Variants in STXBP6 observed in about 807,000 individuals in gnomAD.
The protein encoded by STXBP6 is syntaxin-binding protein 6.
In STXBP6, 21 loss-of-function variants were observed where a neutral mutation model predicts 26.9. The observed-to-expected ratio is 0.78, with a 90% CI of 0.55 to 1.12. The LOEUF (loss-of-function observed/expected upper bound fraction) is 1.12. STXBP6 is among the 50% of genes most tolerant of loss of function. The pLI, the probability that STXBP6 is intolerant of heterozygous loss-of-function variation, is 0.00. For missense variants in STXBP6, 232 were observed against 257.9 expected, an observed-to-expected ratio of 0.90 and a Z score of 0.69; for synonymous variants, 97 against 92.6, an observed-to-expected ratio of 1.05 and a Z score of -0.27.
At chr14:24,932,179 C>T (rs55774462) in intron 2 of STXBP6, among the ~76,000 whole-genome samples, 32,817 of 152,082 alleles carry the variant, frequency 0.22, 4,604 homozygotes, top group Admixed American at 0.39. Context: ...GAGGCCAAGG[C>T]GGGCAGATCA....
At chr14:24,923,756 C>T (rs2072066367) in intron 2 of STXBP6, among the ~76,000 whole-genome samples, 1 of 152,104 alleles carries the variant, frequency 6.6e-6, no homozygotes, top group Non-Finnish European at 1.5e-5. Flanking sequence ...CTGCCCCTAG[C>T]TTTTGCCTAT....
rs150043323 is a variant in STXBP6 at position 24,961,665 on chromosome 14, T to C, written c.154+13000A>G. On this transcript the variant is annotated intron_variant, in intron 2 of 5. Transcript: ENST00000323944. ...TAAAAGGCAGCAGGGTGGAAAGGAA[T>C]GAGGATTTAAAAATTACCTATCCAA... Among the ~76,000 whole-genome samples, 717 of 152,110 alleles carry C rather than the reference T, an allele frequency of 4.7e-3. 5 individuals are homozygous for C. Among genetic ancestry groups the C allele is most frequent in the African/African-American group, 0.016 (681 of 41,494 alleles).
intron 1 of STXBP6, among the ~76,000 whole-genome samples, chr14:24,990,728 T>G: frequency 6.8e-6 from 1 of 146,642 alleles, no homozygotes; most frequent in Admixed American, 6.8e-5. Context: ...CAATTAGTAG[T>G]GGGAGCTGAA....
chr14:24,890,039 G>A (rs1241631), intron 2 of STXBP6, among the ~76,000 whole-genome samples: 55,594 of 152,080 alleles, frequency 0.37, 10,381 homozygotes, highest in East Asian at 0.43. Context: ...ATTACTGCCA[G>A]GATCAGGGAG....
At chr14:24,922,732 T>C (rs1317049331) in intron 2 of STXBP6, among the ~76,000 whole-genome samples, 3 of 152,064 alleles carry the variant, frequency 2.0e-5, no homozygotes, top group Admixed American at 1.3e-4. Context: ...TATGCAGACA[T>C]AGATGAGGGA....
chr14:24,968,604 A>T (rs2073808684), intron 2 of STXBP6, among the ~76,000 whole-genome samples: 1 of 152,114 alleles, frequency 6.6e-6, no homozygotes, highest in South Asian at 2.1e-4. Flanking sequence ...AACTACCTGG[A>T]TTCTTCTCTA....
intron 1 of STXBP6, among the ~76,000 whole-genome samples, chr14:25,024,396 T>A (rs1231013259): frequency 1.3e-5 from 2 of 152,134 alleles, no homozygotes; most frequent in African/African-American, 4.8e-5. Flanking sequence ...ATCAGAAGCC[T>A]CACTTCACAG....
chr14:24,866,322 A>C (rs947384676), intron 2 of STXBP6, among the ~76,000 whole-genome samples: 1 of 152,124 alleles, frequency 6.6e-6, no homozygotes. Flanking sequence ...CATGTGAGCC[A>C]ATTCCTTAAA....
chr14:24,812,766 T>C (rs895964627), intron 5 of STXBP6, 34 bp from the exon 6 acceptor site: 30 of 1,611,306 alleles, frequency 1.9e-5, no homozygotes, highest in Non-Finnish European at 2.1e-5. Context: ...AAGTAAGACT[T>C]TATTAGCAGG....
intron 2 of STXBP6, among the ~76,000 whole-genome samples, chr14:24,881,643 G>A (rs1369819376): frequency 6.6e-6 from 1 of 152,176 alleles, no homozygotes; most frequent in African/African-American, 2.4e-5. Flanking sequence ...AAGGCAGAGG[G>A]ACAGACTGAA....
intron 2 of STXBP6, among the ~76,000 whole-genome samples, chr14:24,926,180 A>G (rs1235756339): frequency 6.6e-6 from 1 of 152,128 alleles, no homozygotes; most frequent in Non-Finnish European, 1.5e-5. Context: ...AACAAGCATT[A>G]TTTGACTTCC....
Position 25,027,711 on chromosome 14 carries a change from C to T in STXBP6, c.-33+22167G>A, listed in dbSNP as rs111994137. ...AAACGATTACGCTTAGTGAAGAAAG[C>T]ATGTCGAAAGCCAGGACAGGCTGAA... is the stretch of plus-strand genomic sequence containing the variant. On this transcript the variant is annotated intron_variant, in intron 1 of 5. Coordinates refer to ENST00000323944, the MANE Select transcript of STXBP6 (RefSeq NM_001394410.1). Among the ~76,000 whole-genome samples, 535 of 152,354 alleles carry T rather than the reference C, an allele frequency of 3.5e-3. 2 individuals are homozygous for T. The highest frequency in any genetic ancestry group is 0.011 in the African/African-American group (472 of 41,590).
Position 25,049,736 on chromosome 14 carries a change from G to A in STXBP6, c.-33+142C>T. The A allele has an allele frequency of 1.0e-6, 1 of 985,540 alleles. No homozygotes were observed. Among genetic ancestry groups the A allele is most frequent in the Non-Finnish European group, 1.2e-6 (1 of 830,076 alleles). 61.0% of individuals were successfully genotyped at this position (985,540 alleles called of 1,614,324 possible). Reference sequence around the variant, plus strand: ...CCCGCCAACTTGGAAGAATCTCTCTGGGAGCCTGCCTACTCCCCTGGCCTC... The same window carrying A: ...CCCGCCAACTTGGAAGAATCTCTCTAGGAGCCTGCCTACTCCCCTGGCCTC... On this transcript the variant is annotated intron_variant, in intron 1 of 5. Coordinates refer to ENST00000323944, the MANE Select transcript of STXBP6 (RefSeq NM_001394410.1). The surrounding 1 kb of genome is among the most constrained non-coding windows in gnomAD (Gnocchi z 5.6).
rs1396079551 is a variant in STXBP6 at position 24,811,060 on chromosome 14, A to C, written c.*1649T>G. On this transcript the variant is annotated 3_prime_UTR_variant, in exon 6 of 6. Transcript: ENST00000323944. ...AAAGAAAGTATAAAATATTATAGTT[A>C]ACTTATACAGTTTATTAAATTTTAT... 3.9e-5 allele frequency: 6 copies of C among 152,180 alleles called. No homozygotes were observed. Among genetic ancestry groups the C allele is most frequent in the African/African-American group, 1.4e-4 (6 of 41,434 alleles). The allele number at this position is 152,180 out of a possible 1,614,324, so 9.4% of individuals were successfully genotyped here.
chr14:24,968,401 C>T (rs773731887), intron 2 of STXBP6, among the ~76,000 whole-genome samples: 8 of 151,776 alleles, frequency 5.3e-5, no homozygotes, highest in Non-Finnish European at 1.2e-4. Flanking sequence ...AGATGAGAGC[C>T]GGTCTGAATT....
intron 2 of STXBP6, among the ~76,000 whole-genome samples, chr14:24,873,498 C>A (rs943665189): frequency 6.6e-6 from 1 of 152,166 alleles, no homozygotes; most frequent in African/African-American, 2.4e-5. Flanking sequence ...AAAAAAGCCA[C>A]ATTTCCAGAG....
intron 2 of STXBP6, among the ~76,000 whole-genome samples, chr14:24,901,985 G>A (rs1358231895): frequency 1.3e-5 from 2 of 152,068 alleles, no homozygotes; most frequent in Non-Finnish European, 2.9e-5. Context: ...TAAGATGTGT[G>A]CATTTTACTG....
At chr14:24,895,733 G>C (rs2070965804) in intron 2 of STXBP6, among the ~76,000 whole-genome samples, 1 of 152,236 alleles carries the variant, frequency 6.6e-6, no homozygotes, top group South Asian at 2.1e-4. Flanking sequence ...AGCAATATCA[G>C]AGCATAGGCT....
chr14:24,832,464 A>G (rs1436056004), intron 4 of STXBP6, among the ~76,000 whole-genome samples: 8 of 152,246 alleles, frequency 5.3e-5, no homozygotes, highest in African/African-American at 1.9e-4. Context: ...CCAAGCTGAT[A>G]GTCGTAGGGG....
Sources: gnomAD v4.1 joint callset for allele counts (sites outside exome capture counted in the v4.1 genomes callset) on GRCh38, gnomAD v4.1.1 for gene constraint, Gnocchi (gnomAD v3.1) non-coding constraint, MANE v1.5 for transcripts, NCBI Gene and HGNC (gene_info 2026-07-23, HGNC 2026-07-21) for gene names.